CCDC152: variants seen among roughly 807,000 people sequenced by gnomAD.
CCDC152 encodes coiled-coil domain containing 152.
CCDC152 carries 37 observed loss-of-function variants against 38.1 expected under a neutral mutation model. That is an observed-to-expected ratio of 0.97 (90% confidence interval 0.75 to 1.28). The LOEUF (loss-of-function observed/expected upper bound fraction) is 1.28, where lower values mean the gene tolerates loss of function less well. CCDC152 is among the 50% of genes most tolerant of loss of function. The pLI is 0.00. For synonymous variants in CCDC152, 83 were observed against 87.1 expected, an observed-to-expected ratio of 0.95 and a Z score of 0.26; for missense variants, 259 against 292.1, an observed-to-expected ratio of 0.89 and a Z score of 0.83.
chr5:42,794,156 A>G (rs1208961706), intron 6 of CCDC152, among the ~76,000 whole-genome samples: 2 of 152,230 alleles, frequency 1.3e-5, no homozygotes, highest in East Asian at 3.8e-4. Flanking sequence ...CTGGTAGTAA[A>G]GTCTATGAAA....
rs115825141 is a variant in CCDC152 at position 42,790,424 on chromosome 5, G to A, written c.431-6405G>A. Reference sequence around the variant, plus strand: ...GTTGATAATGCCAAATGGAGCAACTGGAACTCTGAAACATTATTACTGGGA... The same window carrying A: ...GTTGATAATGCCAAATGGAGCAACTAGAACTCTGAAACATTATTACTGGGA... On this transcript the variant is annotated intron_variant, in intron 6 of 8. Coordinates refer to ENST00000361970, the MANE Select transcript of CCDC152 (RefSeq NM_001134848.2). Among the ~76,000 whole-genome samples the A allele has an allele frequency of 2.4e-3, 368 of 152,288 alleles. 5 individuals are homozygous for A. Among genetic ancestry groups the A allele is most frequent in the African/African-American group, 8.4e-3 (349 of 41,560 alleles).
chr5:42,797,034 T>C, intron 7 of CCDC152, 78 bp downstream of exon 7: 5 of 1,119,260 alleles, frequency 4.5e-6, no homozygotes, highest in Non-Finnish European at 1.2e-6. Context: ...TTCATCACAG[T>C]GAGATACATT....
chr5:42,779,596 G>A, intron 5 of CCDC152, 74 bp downstream of exon 5: 1 of 866,340 alleles, frequency 1.2e-6, no homozygotes, highest in East Asian at 2.7e-5. Context: ...AAAAAAAAGA[G>A]GTTTTTAAAT....
Position 42,762,439 on chromosome 5 carries a change from A to T in CCDC152, c.88-4A>T. On this transcript the variant is annotated splice_polypyrimidine_tract_variant and splice_region_variant and intron_variant, in intron 2 of 8. Transcript: ENST00000361970. Reference sequence around the variant, plus strand: ...TAATAATAAGTATTCTATTTCTTCTACAGAAAATGGTAGAAACCAATGGAA... The same window carrying T: ...TAATAATAAGTATTCTATTTCTTCTTCAGAAAATGGTAGAAACCAATGGAA... 7.2e-7 allele frequency: 1 copy of T among 1,394,622 alleles called. No homozygotes were observed. Among genetic ancestry groups the T allele is most frequent in the Non-Finnish European group, 9.9e-7 (1 of 1,014,044 alleles). 86.4% of individuals were successfully genotyped at this position (1,394,622 alleles called of 1,614,324 possible). A position where few individuals can be genotyped will look rare whatever the true frequency, so the allele number is the denominator to read the frequency against.
At chr5:42,774,537 C>T (rs1303610879) in intron 4 of CCDC152, among the ~76,000 whole-genome samples, 1 of 152,136 alleles carries the variant, frequency 6.6e-6, no homozygotes, top group Non-Finnish European at 1.5e-5. Flanking sequence ...TCAGCTCCCC[C>T]TAGCCTTCCC....
At chr5:42,780,141 T>C (rs921361475) in intron 5 of CCDC152, among the ~76,000 whole-genome samples, 3 of 152,182 alleles carry the variant, frequency 2.0e-5, no homozygotes, top group Non-Finnish European at 4.4e-5. Flanking sequence ...AACTTCCTCA[T>C]CTCTCAAGAG....
At chr5:42,779,685 A>G (rs1301331969) in intron 5 of CCDC152, among the ~76,000 whole-genome samples, 163 bp downstream of exon 5, 1 of 151,530 alleles carries the variant, frequency 6.6e-6, no homozygotes, top group Non-Finnish European at 1.5e-5. Flanking sequence ...TTAGTAAATG[A>G]CAATTTGTTT....
chr5:42,779,199 A>G (rs1759809165), intron 4 of CCDC152, among the ~76,000 whole-genome samples: 1 of 152,118 alleles, frequency 6.6e-6, no homozygotes, highest in African/African-American at 2.4e-5. Context: ...TTTCAGATAT[A>G]CTGCCATTAA....
intron 4 of CCDC152, among the ~76,000 whole-genome samples, chr5:42,772,351 G>C (rs1160145592): frequency 6.6e-6 from 1 of 152,162 alleles, no homozygotes; most frequent in Non-Finnish European, 1.5e-5. Context: ...ATCAATGGGA[G>C]AAAACAGAAA....
chr5:42,788,213 G>A (rs1194430773), intron 6 of CCDC152, among the ~76,000 whole-genome samples: 4 of 85,626 alleles, frequency 4.7e-5, no homozygotes, highest in African/African-American at 1.2e-4. Flanking sequence ...TAAAATTCTT[G>A]GATGGCATTT....
At chr5:42,776,866 T>A (rs951951547) in intron 4 of CCDC152, among the ~76,000 whole-genome samples, 2 of 152,066 alleles carry the variant, frequency 1.3e-5, no homozygotes, top group African/African-American at 2.4e-5. Flanking sequence ...TTGAACTAAA[T>A]AAAAATACAA....
At position 42,802,390 on chromosome 5, in the gene CCDC152, T is replaced by A. The variant is rs904698503; in HGVS notation, c.*2609T>A. ...CACTAAGTGATATGCTTTTGATGTT[T>A]TGAAGGTTTTAAAAGGTTATAAATT... On this transcript the variant is annotated 3_prime_UTR_variant, in exon 9 of 9. Transcript: ENST00000361970. The A allele has an allele frequency of 2.0e-5, 3 of 152,218 alleles. No homozygotes were observed. Among genetic ancestry groups the A allele is most frequent in the African/African-American group, 4.8e-5 (2 of 41,444 alleles). 9.4% of individuals were successfully genotyped at this position (152,218 alleles called of 1,614,324 possible).
chr5:42,798,570 CCT>C (rs1554045368), intron 7 of CCDC152, among the ~76,000 whole-genome samples: 1 of 152,162 alleles, frequency 6.6e-6, no homozygotes, highest in Non-Finnish European at 1.5e-5. Context: ...TTCTAATCCT[CCT>C]CTGTTTGGAA....
Position 42,800,734 on chromosome 5 carries a change from A to G in CCDC152, c.*953A>G. ...ATTTTAAATATTTAGTTTGAAGGTC[A>G]TTCTCACTTTTTTGCCTGATTCTTT... On this transcript the variant is annotated 3_prime_UTR_variant, in exon 9 of 9. Transcript: ENST00000361970. 1 of 1,604,888 alleles carries G rather than the reference A, an allele frequency of 6.2e-7. No homozygotes were observed. The highest frequency in any genetic ancestry group is 8.5e-7 in the Non-Finnish European group (1 of 1,173,176).
chr5:42,798,431 GACTTTAGAT>G (rs1760109054), intron 7 of CCDC152, among the ~76,000 whole-genome samples: 1 of 152,176 alleles, frequency 6.6e-6, no homozygotes, highest in Non-Finnish European at 1.5e-5. Context: ...GACTGATGTT[GACTTTAGAT>G]ACCCTTTGCT....
chr5:42,786,118 T>C (rs1006241304), intron 6 of CCDC152, among the ~76,000 whole-genome samples: 3 of 152,094 alleles, frequency 2.0e-5, no homozygotes, highest in Non-Finnish European at 4.4e-5. Context: ...AGCATGATAC[T>C]GGTTTCATAG....
At chr5:42,795,642 C>T (rs1227516417) in intron 6 of CCDC152, among the ~76,000 whole-genome samples, 1 of 152,116 alleles carries the variant, frequency 6.6e-6, no homozygotes, top group Non-Finnish European at 1.5e-5. Flanking sequence ...AAATTTCAAC[C>T]TATTTCAAAG....
intron 5 of CCDC152, among the ~76,000 whole-genome samples, chr5:42,781,550 C>T (rs939682049): frequency 1.9e-4 from 27 of 138,998 alleles, no homozygotes; most frequent in South Asian, 1.0e-3. Flanking sequence ...AAAATGCGCG[C>T]GCGCGCACAC....
At position 42,801,512 on chromosome 5, in the gene CCDC152, G is replaced by A; in HGVS notation, c.*1731G>A. 1.9e-6 allele frequency: 1 copy of A among 533,026 alleles called. No individual in the cohort carries two copies. Among genetic ancestry groups the A allele is most frequent in the Non-Finnish European group, 3.2e-6 (1 of 309,026 alleles). 33.0% of individuals were successfully genotyped at this position (533,026 alleles called of 1,614,324 possible). Reference sequence around the variant, plus strand: ...CTCAACACCTAGACATTTTATTAAAGGCTTAAAAAGAAAGCCAAACCACTG... The same window carrying A: ...CTCAACACCTAGACATTTTATTAAAAGCTTAAAAAGAAAGCCAAACCACTG... On this transcript the variant is annotated 3_prime_UTR_variant, in exon 9 of 9. Transcript: ENST00000361970.
Sources: gnomAD v4.1 joint callset for allele counts (sites outside exome capture counted in the v4.1 genomes callset) on GRCh38, gnomAD v4.1.1 for gene constraint, MANE v1.5 for transcripts, NCBI Gene and HGNC (gene_info 2026-07-23, HGNC 2026-07-21) for gene names.